The following TRPC7 variants were observed in gnomAD, a reference collection of about 807,000 sequenced individuals.
TRPC7 encodes the protein transient receptor potential cation channel subfamily C member 7, also known as short transient receptor potential channel 7.
TRPC7 carries 42 observed loss-of-function variants against 90.1 expected under a neutral mutation model. The ratio of observed to expected loss-of-function variants is 0.47; its 90% confidence interval spans 0.36 to 0.60. The LOEUF is 0.60. TRPC7 is among the 20% of genes least tolerant of loss of function. The pLI, the probability that TRPC7 is intolerant of heterozygous loss-of-function variation, is 0.00. For missense variants in TRPC7, 955 were observed against 1,112.3 expected, an observed-to-expected ratio of 0.86 and a Z score of 2.01; for synonymous variants, 451 against 436.3, an observed-to-expected ratio of 1.03 and a Z score of -0.42.
At chr5:136,338,120 A>G (rs1164709010) in intron 2 of TRPC7, among the ~76,000 whole-genome samples, 3 of 152,122 alleles carry the variant, frequency 2.0e-5, no homozygotes, top group African/African-American at 7.2e-5. Flanking sequence ...AGCATTTACC[A>G]ATCAGTAATT....
intron 3 of TRPC7, among the ~76,000 whole-genome samples, chr5:136,313,004 A>G (rs35118298): frequency 0.094 from 12,176 of 129,120 alleles, 687 homozygotes; most frequent in Non-Finnish European, 0.13. Context: ...TTTAATAGAG[A>G]CAGGGTCTTG....
At position 136,266,366 on chromosome 5, in the gene TRPC7, C is replaced by A. The variant is rs1418130940; in HGVS notation, c.1199G>T (p.Gly400Val). The change falls in exon 5 of 12, where the codon GGA (glycine) becomes GTA (valine). Residue 400 changes from glycine (G) to valine (V), a missense_variant. Gly to Val is a moderately radical substitution (Grantham distance 109). Coordinates refer to ENST00000513104, the MANE Select transcript of TRPC7 (RefSeq NM_020389.3). ...AHAVSFTIFL[G>V]LLVVNASDRF... is the part of the protein sequence containing the mutation. The stretch of plus-strand genomic sequence containing the variant: ...GTCAGATGCATTCACAACTAATAAT[C>A]CCAAGAAGATTGTAAAAGAAACTGC... 2 of 1,613,710 alleles carry A rather than the reference C, an allele frequency of 1.2e-6. No homozygotes were observed. The highest frequency in any genetic ancestry group is 2.7e-5 in the African/African-American group (2 of 74,906).
chr5:136,325,693 G>A (rs1289965921), intron 2 of TRPC7, among the ~76,000 whole-genome samples: 1 of 152,062 alleles, frequency 6.6e-6, no homozygotes, highest in African/African-American at 2.4e-5. Flanking sequence ...AGGTCTAGGG[G>A]CAGATAATCA....
chr5:136,300,731 C>A (rs1298544701), intron 3 of TRPC7, among the ~76,000 whole-genome samples: 1 of 152,214 alleles, frequency 6.6e-6, no homozygotes, highest in East Asian at 1.9e-4. Context: ...GGAACATCAT[C>A]TGGATTGTTT....
intron 3 of TRPC7, among the ~76,000 whole-genome samples, chr5:136,279,711 G>A (rs757111418): frequency 2.6e-5 from 4 of 152,184 alleles, no homozygotes; most frequent in African/African-American, 4.8e-5. Flanking sequence ...AATCAAAGAA[G>A]TGGAAGCTAT....
intron 3 of TRPC7, among the ~76,000 whole-genome samples, chr5:136,300,712 G>A (rs1293971006): frequency 1.3e-5 from 2 of 152,170 alleles, no homozygotes; most frequent in African/African-American, 2.4e-5. Context: ...TAAACTCTAG[G>A]GCCAGCCTGG....
chr5:136,220,166 T>G (rs188473188), intron 10 of TRPC7, among the ~76,000 whole-genome samples: 54 of 152,340 alleles, frequency 3.5e-4, no homozygotes, highest in African/African-American at 1.1e-3. Flanking sequence ...GTAAAACGTG[T>G]GTTTGAACAA....
In TRPC7 at chr5:136,293,737, T is replaced by C. The variant is rs561694471; in HGVS notation, c.964-18900A>G. On this transcript the variant is annotated intron_variant, in intron 3 of 11. Coordinates refer to ENST00000513104, the MANE Select transcript of TRPC7 (RefSeq NM_020389.3). Reference sequence around the variant, plus strand: ...TGCCCAAGGTAATTTATAGATTCAGTGCCATCCCCATCAAGCTACCAATGA... The same window carrying C: ...TGCCCAAGGTAATTTATAGATTCAGCGCCATCCCCATCAAGCTACCAATGA... Among the ~76,000 whole-genome samples, 297 of 152,288 alleles carry C rather than the reference T, an allele frequency of 2.0e-3. 1 individual carries two copies. The highest frequency in any genetic ancestry group is 6.5e-3 in the African/African-American group (270 of 41,542).
At chr5:136,336,334 A>G (rs535705586) in intron 2 of TRPC7, among the ~76,000 whole-genome samples, 6 of 152,244 alleles carry the variant, frequency 3.9e-5, no homozygotes, top group Admixed American at 2.6e-4. Flanking sequence ...CTGGTACAGT[A>G]TCTGGCACAC....
intron 1 of TRPC7, among the ~76,000 whole-genome samples, chr5:136,362,558 T>C (rs1007775405): frequency 1.3e-5 from 2 of 152,152 alleles, no homozygotes; most frequent in African/African-American, 4.8e-5. Context: ...CACAAACTAT[T>C]ACATGGTTTA....
chr5:136,351,624 G>A (rs774258937), intron 2 of TRPC7, among the ~76,000 whole-genome samples: 17 of 152,104 alleles, frequency 1.1e-4, no homozygotes, highest in Non-Finnish European at 2.4e-4. Context: ...CTGAGCCCTG[G>A]CACAACAAGA....
chr5:136,346,794 T>C (rs1469023352), intron 2 of TRPC7, among the ~76,000 whole-genome samples: 1 of 152,162 alleles, frequency 6.6e-6, no homozygotes, highest in African/African-American at 2.4e-5. Context: ...TTCACCAGGT[T>C]ATCTCAACCT....
intron 1 of TRPC7, among the ~76,000 whole-genome samples, chr5:136,357,693 T>C (rs909654106): frequency 1.1e-4 from 16 of 151,944 alleles, no homozygotes; most frequent in African/African-American, 3.9e-4. Flanking sequence ...CGTAGGGTGG[T>C]GGTATGGCTG....
intron 3 of TRPC7, among the ~76,000 whole-genome samples, chr5:136,287,687 C>CAAAAAAAAAAAAAAAAAAAAAAAAAAA (rs767031610): frequency 1.7e-5 from 1 of 59,520 alleles, no homozygotes. Flanking sequence ...AGTGGATGCT[C>CAAAAAAAAAAAAAAAAAAAAAAAAAAA]AAAAAAAAAA....
At chr5:136,345,895 T>A (rs1206919380) in intron 2 of TRPC7, among the ~76,000 whole-genome samples, 1 of 152,176 alleles carries the variant, frequency 6.6e-6, no homozygotes, top group Non-Finnish European at 1.5e-5. Flanking sequence ...AAGGAAGGGA[T>A]CCAGTTTCAG....
intron 7 of TRPC7, among the ~76,000 whole-genome samples, chr5:136,241,097 G>C (rs560832225): frequency 2.0e-5 from 3 of 152,136 alleles, no homozygotes; most frequent in Non-Finnish European, 4.4e-5. Flanking sequence ...GACAAGTTGG[G>C]TGGGGCTGAA....
Position 136,321,245 on chromosome 5 carries a change from TGTG to T in TRPC7, c.781-5469_781-5467del, listed in dbSNP as rs1759187556. Among the ~76,000 whole-genome samples, 74 of 152,190 alleles carry T rather than the reference TGTG, an allele frequency of 4.9e-4. 4 individuals carry two copies. ...CTATTTGGCACACTTGAGGCTCAATTGTGCTGACTCTCAACTAACTTGGGGGAA... is the reference window on the plus strand; with the variant it reads ...CTATTTGGCACACTTGAGGCTCAATTCTGACTCTCAACTAACTTGGGGGAA... On this transcript the variant is annotated intron_variant, in intron 2 of 11. Coordinates refer to ENST00000513104, the MANE Select transcript of TRPC7 (RefSeq NM_020389.3).
chr5:136,244,895 C>T (rs904577977), intron 7 of TRPC7, among the ~76,000 whole-genome samples: 13 of 152,200 alleles, frequency 8.5e-5, no homozygotes, highest in African/African-American at 1.9e-4. Context: ...CCAGAAAGGG[C>T]GCTATAGACC....
chr5:136,290,008 C>T (rs566216653), intron 3 of TRPC7, among the ~76,000 whole-genome samples: 4 of 152,166 alleles, frequency 2.6e-5, no homozygotes, highest in Non-Finnish European at 4.4e-5. Flanking sequence ...CTGCAGCCAC[C>T]GCTGCTGATA....
Sources: allele counts gnomAD v4.1 joint callset (sites outside exome capture counted in the v4.1 genomes callset), GRCh38; gene constraint gnomAD v4.1.1; transcripts MANE v1.5; gene names NCBI Gene and HGNC (gene_info 2026-07-23, HGNC 2026-07-21).